The following ODAD4 variants were observed in gnomAD, a reference collection of about 807,000 sequenced individuals.
ODAD4 encodes outer dynein arm docking complex subunit 4, also known as outer dynein arm-docking complex subunit 4.
ODAD4 carries 49 observed loss-of-function variants against 51.8 expected under a neutral mutation model. The ratio of observed to expected loss-of-function variants is 0.95; its 90% CI spans 0.75 to 1.20. ODAD4 has a LOEUF of 1.20. Among genes scored for constraint, ODAD4 ranks in the 50% most tolerant of loss-of-function variants. The pLI is 0.00. For missense variants in ODAD4, 590 were observed against 586.5 expected (o/e 1.01, Z -0.06); for synonymous variants, 235 against 221.3 (o/e 1.06, Z -0.55).
rs781860882 is a variant in ODAD4 at position 41,935,257 on chromosome 17, C to T, written c.155C>T (p.Ala52Val). The change falls in exon 2 of 12, where the codon GCT becomes GTT. Residue 52 changes from alanine (A) to valine (V), a missense_variant. By Grantham distance (64) the Ala-to-Val change is moderately conservative. Coordinates refer to ENST00000377540, the MANE Select transcript of ODAD4 (RefSeq NM_031421.5). Reference protein sequence around the residue: ...LQDGDKNCLVARSKCFLKMGD... With the variant: ...LQDGDKNCLVVRSKCFLKMGD... Reference sequence around the variant, plus strand: ...GATGGAGACAAGAACTGCCTGGTTGCTCGCTCAAAGTGCTTCCTGAAGATG... The same window carrying T: ...GATGGAGACAAGAACTGCCTGGTTGTTCGCTCAAAGTGCTTCCTGAAGATG... 6.2e-7 allele frequency: 1 copy of T among 1,613,904 alleles called. No homozygotes were observed. The highest frequency in any genetic ancestry group is 8.5e-7 in the Non-Finnish European group (1 of 1,179,900).
intron 1 of ODAD4, among the ~76,000 whole-genome samples, chr17:41,932,062 A>C (rs1161536456): frequency 2.6e-5 from 4 of 151,800 alleles, no homozygotes; most frequent in African/African-American, 9.7e-5. Flanking sequence ...CACACTGCTA[A>C]GCAGACTGGA....
At chr17:41,953,392 A>G (rs1272466929) in intron 9 of ODAD4, among the ~76,000 whole-genome samples, 1 of 146,070 alleles carries the variant, frequency 6.8e-6, no homozygotes, top group Non-Finnish European at 1.5e-5. Context: ...TTATGAACAC[A>G]AGGGCTTATT....
chr17:41,963,628 A>C (rs913648984), intron 11 of ODAD4, among the ~76,000 whole-genome samples: 1 of 149,614 alleles, frequency 6.7e-6, no homozygotes, highest in Non-Finnish European at 1.5e-5. Context: ...CCATTGTGTG[A>C]TTTCTTTTCT....
rs113583076 is a variant in ODAD4, at chr17:41,964,768, G to A, written c.1529-225G>A. On this transcript the variant is annotated intron_variant, in intron 11 of 11. Transcript: ENST00000377540. Reference sequence around the variant, plus strand: ...AAGCGATTCTTCTGCCTCAGCCTCCGGGTAGCTGGGACTACAGGCGCCAAC... The same window carrying A: ...AAGCGATTCTTCTGCCTCAGCCTCCAGGTAGCTGGGACTACAGGCGCCAAC... Among the ~76,000 whole-genome samples the A allele has an allele frequency of 5.8e-3, 884 of 151,650 alleles. 6 individuals are homozygous for A. The highest frequency in any genetic ancestry group is 0.021 in the African/African-American group (848 of 41,326).
At chr17:41,949,429 G>A (rs1453668800) in intron 9 of ODAD4, 80 bp downstream of exon 9, 1 of 397,674 alleles carries the variant, frequency 2.5e-6, no homozygotes, top group Non-Finnish European at 4.4e-6. Flanking sequence ...CTTGTGGACT[G>A]AGTTTACCAT....
At chr17:41,961,048 G>A (rs974931373) in intron 10 of ODAD4, among the ~76,000 whole-genome samples, 2 of 152,168 alleles carry the variant, frequency 1.3e-5, no homozygotes, top group Non-Finnish European at 2.9e-5. Flanking sequence ...GGTTTGGATT[G>A]TCTTTTTGCA....
chr17:41,935,474 A>G (rs575437973), intron 2 of ODAD4, 125 bp from the exon 3 acceptor site: 39 of 1,508,138 alleles, frequency 2.6e-5, no homozygotes, highest in Middle Eastern at 1.8e-4. Flanking sequence ...TTCCTAGGTC[A>G]TTGCCTAAGT....
At chr17:41,951,055 T>C (rs1273987860) in intron 9 of ODAD4, among the ~76,000 whole-genome samples, 1 of 150,326 alleles carries the variant, frequency 6.7e-6, no homozygotes, top group African/African-American at 2.4e-5. Context: ...AAAATGGGAT[T>C]GTGGTGGCCA....
In ODAD4 at chr17:41,935,868, C is replaced by T. The variant is rs12951807; in HGVS notation, c.397+119C>T. On this transcript the variant is annotated intron_variant, in intron 3 of 11. Coordinates refer to ENST00000377540, the MANE Select transcript of ODAD4 (RefSeq NM_031421.5). ...CACCAGGCCCGCAGGGAGTCCTACA[C>T]CTGGATTTGGCTGCTGCAGTGTTGT... 5,928 of 1,233,454 alleles carry T rather than the reference C, an allele frequency of 4.8e-3. 208 individuals carry two copies. In the African/African-American group the frequency reaches 0.077, roughly 16 times the overall value. The allele number at this position is 1,233,454 out of a possible 1,614,324, so 76.4% of individuals were successfully genotyped here. A position where few individuals can be genotyped will look rare whatever the true frequency, so the allele number is the denominator to read the frequency against.
chr17:41,960,336 T>C (rs2050788006), intron 10 of ODAD4, among the ~76,000 whole-genome samples: 1 of 151,466 alleles, frequency 6.6e-6, no homozygotes, highest in Non-Finnish European at 1.5e-5. Context: ...AAAAAACAGT[T>C]ACTCAGGAGG....
intron 7 of ODAD4, among the ~76,000 whole-genome samples, chr17:41,942,136 A>G (rs745360388): frequency 1.8e-4 from 28 of 152,268 alleles, no homozygotes; most frequent in Middle Eastern, 3.4e-3. Flanking sequence ...GGGTTTCACC[A>G]TGTTAGCCAG....
intron 10 of ODAD4, among the ~76,000 whole-genome samples, chr17:41,957,964 G>T (rs1336506079): frequency 6.6e-6 from 1 of 151,954 alleles, no homozygotes; most frequent in Non-Finnish European, 1.5e-5. Flanking sequence ...GTAGAGATGA[G>T]GTCTCACTAT....
intron 7 of ODAD4, among the ~76,000 whole-genome samples, chr17:41,942,206 G>A (rs1284897654): frequency 6.6e-6 from 1 of 152,168 alleles, no homozygotes; most frequent in Non-Finnish European, 1.5e-5. Flanking sequence ...AAAGTGCTAG[G>A]ATGACAGGTG....
chr17:41,939,000 A>G lies in ODAD4; in HGVS notation c.886A>G (p.Lys296Glu). ...TSGSAEGSLQ[K>E]AEKVLKKVLE... is the part of the protein sequence containing the mutation. ...TGGCAGTGCTGAAGGGAGTCTTCAG[A>G]AAGCTGAGAAAGTGCTGAAGAAGGT... The change falls in exon 7 of 12, where the codon AAA becomes GAA. Residue 296 changes from lysine to glutamate, a missense_variant. By Grantham distance (56) the Lys-to-Glu change is moderately conservative. Around this residue, in one of 3 missense-constraint regions of ODAD4, gnomAD observed 360 missense variants for 407.5 expected, o/e 0.88. Coordinates refer to ENST00000377540, the MANE Select transcript of ODAD4 (RefSeq NM_031421.5). 1 of 1,612,364 alleles carries G rather than the reference A, an allele frequency of 6.2e-7. No homozygotes were observed. The highest frequency in any genetic ancestry group is 1.1e-5 in the South Asian group (1 of 90,782).
intron 7 of ODAD4, among the ~76,000 whole-genome samples, chr17:41,941,021 CTG>C (rs1189142009): frequency 1.3e-5 from 2 of 152,222 alleles, no homozygotes; most frequent in African/African-American, 4.8e-5. Context: ...CTTCCCCTCT[CTG>C]TTTTTGCCAT....
intron 9 of ODAD4, among the ~76,000 whole-genome samples, chr17:41,950,831 T>C (rs986321638): frequency 0.88 from 134,270 of 152,032 alleles, 59,643 homozygotes; most frequent in East Asian, 1. Flanking sequence ...GTCTCAGCCT[T>C]CCGAGTAGCT....
intron 8 of ODAD4, 149 bp downstream of exon 8, chr17:41,945,371 G>C: frequency 1.6e-6 from 1 of 636,280 alleles, no homozygotes; most frequent in Non-Finnish European, 2.7e-6. Context: ...AATTAGCCGC[G>C]CATACTGTCC....
chr17:41,945,772 G>A (rs554212026), intron 8 of ODAD4, among the ~76,000 whole-genome samples: 7 of 152,246 alleles, frequency 4.6e-5, no homozygotes, highest in South Asian at 2.1e-4. Flanking sequence ...ACGTTGGCAC[G>A]TGCCTGTAGT....
intron 1 of ODAD4, among the ~76,000 whole-genome samples, chr17:41,931,361 G>A (rs1395584686): frequency 1.3e-5 from 2 of 152,046 alleles, no homozygotes; most frequent in African/African-American, 2.4e-5. Context: ...CATTCTCTGC[G>A]TTAACAGTGA....
Sources: allele counts gnomAD v4.1 joint callset (sites outside exome capture counted in the v4.1 genomes callset), GRCh38; gene constraint gnomAD v4.1.1; regional missense constraint gnomAD v4.1.1; transcripts MANE v1.5; gene names NCBI Gene and HGNC (gene_info 2026-07-23, HGNC 2026-07-21).